The following ESRRG variants were observed in gnomAD, a reference collection of about 807,000 sequenced individuals.
ESRRG encodes the protein estrogen-related receptor gamma.
Under a neutral mutation model 44.0 loss-of-function variants are expected in ESRRG, and 13 were observed. The ratio of observed to expected loss-of-function variants is 0.30; its 90% CI spans 0.19 to 0.47. ESRRG has a LOEUF of 0.47. Among genes scored for constraint, ESRRG ranks in the 20% least tolerant of loss-of-function variants. ESRRG has a pLI of 1.00. For synonymous variants in ESRRG, 215 were observed against 214.6 expected (o/e 1.00, Z -0.02); for missense variants, 395 against 580.6 (o/e 0.68, Z 3.29).
chr1:217,094,828 T>G (rs1459814150), intron 1 of ESRRG, among the ~76,000 whole-genome samples: 1 of 152,190 alleles, frequency 6.6e-6, no homozygotes, highest in Admixed American at 6.5e-5. Flanking sequence ...TGGTACAAAC[T>G]CTGGGAAAGT....
intron 1 of ESRRG, among the ~76,000 whole-genome samples, chr1:216,940,149 GA>G (rs918327097): frequency 2.0e-5 from 3 of 152,116 alleles, no homozygotes; most frequent in Non-Finnish European, 4.4e-5. Flanking sequence ...CTGATCTTCA[GA>G]AAAAAACACA....
intron 2 of ESRRG, among the ~76,000 whole-genome samples, chr1:216,675,326 C>T (rs915385185): frequency 2.0e-5 from 3 of 151,884 alleles, no homozygotes; most frequent in African/African-American, 7.3e-5. Context: ...TGCCATTGCC[C>T]TCTAGCCTGG....
intron 5 of ESRRG, among the ~76,000 whole-genome samples, chr1:216,538,106 C>T (rs569336325): frequency 6.6e-6 from 1 of 152,144 alleles, no homozygotes; most frequent in African/African-American, 2.4e-5. Context: ...ACTTCCTTCT[C>T]TCCTGCTTTC....
chr1:216,654,293 T>C (rs997064285), intron 2 of ESRRG, among the ~76,000 whole-genome samples: 44 of 152,096 alleles, frequency 2.9e-4, no homozygotes, highest in Admixed American at 1.9e-3. Context: ...GGAAGCAATG[T>C]TAAGAACAGT....
chr1:216,986,528 T>C (rs1004634873), intron 1 of ESRRG, among the ~76,000 whole-genome samples: 6 of 152,020 alleles, frequency 3.9e-5, no homozygotes, highest in South Asian at 2.1e-4. Context: ...CTGAGAAACA[T>C]AGAGAAACCT....
intron 1 of ESRRG, among the ~76,000 whole-genome samples, chr1:216,983,178 A>G (rs750309816): frequency 2.6e-5 from 4 of 152,096 alleles, no homozygotes; most frequent in Non-Finnish European, 5.9e-5. Flanking sequence ...TATTATTAGA[A>G]TTAGTATTAG....
chr1:216,867,421 T>A (rs11572549), intron 2 of ESRRG, among the ~76,000 whole-genome samples: 393 of 152,346 alleles, frequency 2.6e-3, no homozygotes, highest in Non-Finnish European at 4.6e-3. Flanking sequence ...CAGAAATTTC[T>A]CTTCATATAT....
At chr1:217,053,473 GA>G (rs2086501141) in intron 1 of ESRRG, among the ~76,000 whole-genome samples, 1 of 148,450 alleles carries the variant, frequency 6.7e-6, no homozygotes. Context: ...AAAAAAGAAA[GA>G]AAGAAAGAAA....
At chr1:216,872,213 C>T (rs540762371) in intron 2 of ESRRG, among the ~76,000 whole-genome samples, 1 of 151,066 alleles carries the variant, frequency 6.6e-6, no homozygotes, top group South Asian at 2.1e-4. Flanking sequence ...TATCTCTGCT[C>T]TTGTTCAAGA....
intron 1 of ESRRG, among the ~76,000 whole-genome samples, chr1:216,994,690 T>C (rs907419137): frequency 1.3e-5 from 2 of 152,158 alleles, no homozygotes; most frequent in South Asian, 4.2e-4. Flanking sequence ...CACGCCATTC[T>C]CCTGCCTCAG....
At chr1:216,517,014 T>C (rs2044537317) in intron 6 of ESRRG, among the ~76,000 whole-genome samples, 1 of 152,138 alleles carries the variant, frequency 6.6e-6, no homozygotes, top group Non-Finnish European at 1.5e-5. Context: ...AAAATAGTCC[T>C]TAGAGTTCTT....
chr1:217,038,794 C>T (rs1330088950), intron 1 of ESRRG, among the ~76,000 whole-genome samples: 3 of 152,246 alleles, frequency 2.0e-5, no homozygotes, highest in Non-Finnish European at 4.4e-5. Flanking sequence ...CAAATTTCTA[C>T]AGCTGGCTTA....
upstream of ESRRG, among the ~76,000 whole-genome samples, chr1:217,090,124 T>C (rs965827907): frequency 1.3e-5 from 2 of 152,176 alleles, no homozygotes; most frequent in Non-Finnish European, 2.9e-5. Context: ...TGTGTGCATA[T>C]GCGTGTGATT....
At chr1:216,530,963 A>G (rs929255846) in intron 5 of ESRRG, among the ~76,000 whole-genome samples, 1 of 152,128 alleles carries the variant, frequency 6.6e-6, no homozygotes, top group African/African-American at 2.4e-5. Flanking sequence ...GCTTTTCTCA[A>G]TTTTCCTAAA....
At chr1:216,998,719 A>G (rs1196650858) in intron 1 of ESRRG, among the ~76,000 whole-genome samples, 8 of 152,260 alleles carry the variant, frequency 5.3e-5, no homozygotes, top group Admixed American at 2.6e-4. Flanking sequence ...TCCTTCACAC[A>G]GCGTGAAATA....
chr1:216,579,896 C>T (rs1347994142), intron 3 of ESRRG, among the ~76,000 whole-genome samples: 1 of 152,166 alleles, frequency 6.6e-6, no homozygotes, highest in Non-Finnish European at 1.5e-5. Flanking sequence ...ATTTCTTAGT[C>T]TTTTCTGTCA....
intron 2 of ESRRG, among the ~76,000 whole-genome samples, chr1:216,730,816 G>A (rs1030006839): frequency 6.6e-6 from 1 of 152,060 alleles, no homozygotes; most frequent in Admixed American, 6.5e-5. Context: ...GATAAAAAGA[G>A]GAAAAAAGGA....
chr1:216,507,031 T>C lies in ESRRG; in HGVS notation c.1285A>G (p.Thr429Ala). The change falls in exon 7 of 7, where the codon ACC becomes GCC. Residue 429 changes from threonine to alanine, a missense_variant. Transcript: ENST00000408911. ...MTLPLLRQTS[T>A]KAVQHFYNIK... Reference sequence around the variant, plus strand: ...TTGTAGAAATGCTGCACGGCCTTGGTAGAGGTCTGCCTCAGGAGTGGCAGT... The same window carrying C: ...TTGTAGAAATGCTGCACGGCCTTGGCAGAGGTCTGCCTCAGGAGTGGCAGT... The C allele has an allele frequency of 6.2e-7, 1 of 1,614,152 alleles. No homozygotes were observed. The highest frequency in any genetic ancestry group is 1.1e-5 in the South Asian group (1 of 91,084).
intron 2 of ESRRG, among the ~76,000 whole-genome samples, chr1:216,823,349 T>C (rs1269958211): frequency 6.6e-6 from 1 of 152,174 alleles, no homozygotes; most frequent in Non-Finnish European, 1.5e-5. Context: ...GCCACAGTAC[T>C]GTTGTATATA....
Sources: allele counts gnomAD v4.1 joint callset (sites outside exome capture counted in the v4.1 genomes callset), GRCh38; gene constraint gnomAD v4.1.1; transcripts MANE v1.5; gene names NCBI Gene and HGNC (gene_info 2026-07-23, HGNC 2026-07-21).